The following UNC13B variants were observed in gnomAD, a reference collection of about 807,000 sequenced individuals.
UNC13B encodes the protein unc-13 homolog B.
In UNC13B, 144 loss-of-function variants were observed where a neutral mutation model predicts 211.0. That is an observed-to-expected ratio of 0.68 (90% CI 0.60 to 0.78). UNC13B has a LOEUF of 0.78. Among genes scored for constraint, UNC13B ranks in the 30% least tolerant of loss-of-function variants. The pLI is 0.00. For synonymous variants in UNC13B, 709 were observed against 725.8 expected, an observed-to-expected ratio of 0.98 and a Z score of 0.37; for missense variants, 1,777 against 2,002.0, an observed-to-expected ratio of 0.89 and a Z score of 2.14.
At chr9:35,190,269 G>A (rs1587333483) in intron 1 of UNC13B, among the ~76,000 whole-genome samples, 1 of 152,258 alleles carries the variant, frequency 6.6e-6, no homozygotes, top group South Asian at 2.1e-4. Context: ...AGGGGGTGGG[G>A]ATGTTTCCAT....
Position 35,300,901 on chromosome 9 carries a change from T to G in UNC13B, c.1497T>G (p.Leu499=). Reference sequence around the variant, plus strand: ...AATCACATAAACAAAATAGTACTCTTGATGCAGAACAGAGAACGCCTGGGG... The same window carrying G: ...AATCACATAAACAAAATAGTACTCTGGATGCAGAACAGAGAACGCCTGGGG... ...TKKSHKQNST[L]DAEQRTPGDQ... The change falls in exon 9 of 40, where the codon CTT becomes CTG. Residue 499 remains leucine (L), a synonymous_variant. Coordinates refer to ENST00000635942, the MANE Select transcript of UNC13B (RefSeq NM_001371189.2). 1 of 398,940 alleles carries G rather than the reference T, an allele frequency of 2.5e-6. No homozygotes were observed. The highest frequency in any genetic ancestry group is 4.4e-6 in the Non-Finnish European group (1 of 225,994). The allele number at this position is 398,940 out of a possible 1,614,324, so 24.7% of individuals were successfully genotyped here.
intron 1 of UNC13B, among the ~76,000 whole-genome samples, chr9:35,202,852 G>A (rs1001325572): frequency 7.3e-5 from 11 of 151,312 alleles, no homozygotes; most frequent in African/African-American, 2.2e-4. Flanking sequence ...GAGTGCAGTG[G>A]CGTGATCTCA....
At chr9:35,321,406 G>T (rs933477875) in intron 11 of UNC13B, among the ~76,000 whole-genome samples, 1 of 151,834 alleles carries the variant, frequency 6.6e-6, no homozygotes, top group Admixed American at 6.6e-5. Flanking sequence ...TTGTAGAGAT[G>T]GAGTCTTCCT....
chr9:35,300,701 G>A lies in UNC13B; in HGVS notation c.1297G>A (p.Gly433Arg), dbSNP rs917092893. The A allele has an allele frequency of 3.5e-5, 14 of 398,820 alleles. No homozygotes were observed. The highest frequency in any genetic ancestry group is 6.2e-5 in the Non-Finnish European group (14 of 226,026). The allele number at this position is 398,820 out of a possible 1,614,324, so 24.7% of individuals were successfully genotyped here. The change falls in exon 9 of 40, where the codon GGA becomes AGA. Residue 433 changes from glycine to arginine, a missense_variant. Physicochemically the swap from Gly to Arg is moderately radical, Grantham distance 125. Transcript: ENST00000635942. ...GATGAATTGTGATGCAAAAACACTTGGAGATCTGTCTGAGTGCTCTATAGA... is the reference window on the plus strand; with the variant it reads ...GATGAATTGTGATGCAAAAACACTTAGAGATCTGTCTGAGTGCTCTATAGA... ...QRMNCDAKTL[G>R]DLSECSIEEI...
rs1484520141 is a variant in UNC13B, at chr9:35,310,749, G to A, written c.9291G>A (p.Leu3097=). ...ATTHPPPDLV[L]QKDHFLGPQE... is the part of the protein sequence containing the mutation. Reference sequence around the variant, plus strand: ...CCCACCCTCCCCCAGATCTGGTGCTGCAAAAAGACCACTTCCTAGGTCCCC... The same window carrying A: ...CCCACCCTCCCCCAGATCTGGTGCTACAAAAAGACCACTTCCTAGGTCCCC... Residue 3097 remains leucine (L), a synonymous_variant, in exon 10 of 40, where the codon CTG becomes CTA. Transcript: ENST00000635942. 2.5e-6 allele frequency: 4 copies of A among 1,613,750 alleles called. No individual in the cohort carries two copies. The highest frequency in any genetic ancestry group is 1.7e-5 in the Admixed American group (1 of 59,948).
chr9:35,390,660 A>G lies in UNC13B; in HGVS notation c.11254A>G (p.Ser3752Gly). The change falls in exon 26 of 40, where the codon AGC (serine) becomes GGC (glycine). Residue 3752 changes from serine to glycine, a missense_variant. Coordinates refer to ENST00000635942, the MANE Select transcript of UNC13B (RefSeq NM_001371189.2). ...FPQELNVGKV[S>G]AEVMWHLFAQ... is the part of the protein sequence containing the mutation. ...TCAGGAGTTGAATGTGGGAAAAGTC[A>G]GCGCAGAAGTGATGTGGCATTTGTT... 6.2e-7 allele frequency: 1 copy of G among 1,614,164 alleles called. No individual in the cohort carries two copies. The highest frequency in any genetic ancestry group is 1.1e-5 in the South Asian group (1 of 91,058).
chr9:35,167,336 G>A (rs1299828455), intron 1 of UNC13B, among the ~76,000 whole-genome samples: 2 of 152,122 alleles, frequency 1.3e-5, no homozygotes, highest in African/African-American at 2.4e-5. Context: ...GCCTTGCAAA[G>A]TGCTGAGATT....
At chr9:35,392,791 A>G (rs1051063862) in intron 26 of UNC13B, among the ~76,000 whole-genome samples, 1 of 150,312 alleles carries the variant, frequency 6.7e-6, no homozygotes, top group Non-Finnish European at 1.5e-5. Context: ...TTAAAGTATA[A>G]TAAAAAATAA....
At chr9:35,364,236 C>G (rs185890878) in intron 11 of UNC13B, among the ~76,000 whole-genome samples, 1 of 130,932 alleles carries the variant, frequency 7.6e-6, no homozygotes. Flanking sequence ...GCAGCCCTGA[C>G]CCTTGATGCA....
chr9:35,383,330 A>G (rs1466041118), intron 21 of UNC13B, among the ~76,000 whole-genome samples: 1 of 152,210 alleles, frequency 6.6e-6, no homozygotes, highest in Non-Finnish European at 1.5e-5. Flanking sequence ...GTCACCTGAC[A>G]TTAATTCAGT....
intron 1 of UNC13B, among the ~76,000 whole-genome samples, chr9:35,167,040 G>T (rs1372072645): frequency 6.6e-6 from 1 of 151,956 alleles, no homozygotes; most frequent in Non-Finnish European, 1.5e-5. Flanking sequence ...AACATTATGA[G>T]ATTTGTCAGC....
chr9:35,263,287 A>G (rs1044074678), intron 7 of UNC13B, among the ~76,000 whole-genome samples: 6 of 152,076 alleles, frequency 3.9e-5, no homozygotes, highest in Admixed American at 3.3e-4. Context: ...ATAGAATATT[A>G]TGCATTTATT....
intron 11 of UNC13B, among the ~76,000 whole-genome samples, chr9:35,323,343 G>A (rs1463118478): frequency 1.3e-5 from 2 of 152,134 alleles, no homozygotes; most frequent in Non-Finnish European, 1.5e-5. Context: ...TTCTGTAGAT[G>A]TGTTATAATT....
rs1836470462 is a variant in UNC13B at position 35,403,527 on chromosome 9, A to T, written c.12665A>T (p.Asp4222Val). The change falls in exon 39 of 40, where the codon GAT (aspartate) becomes GTT (valine). Residue 4222 changes from aspartate to valine, a missense_variant. Asp to Val is a radical substitution (Grantham distance 152, BLOSUM62 -3). Transcript: ENST00000635942. ...ACTATGGTTGGCCCACACCAAAGTG[A>T]TAAGAAGAGGAAGTTCACAACCAAA... ...EVTMVGPHQSDKKRKFTTKSK... is the reference protein window; with the variant it reads ...EVTMVGPHQSVKKRKFTTKSK... 1.9e-6 allele frequency: 3 copies of T among 1,613,862 alleles called. No individual in the cohort carries two copies. Among genetic ancestry groups the T allele is most frequent in the South Asian group, 2.2e-5 (2 of 91,066 alleles).
At chr9:35,262,525 C>G (rs1827338518) in intron 7 of UNC13B, among the ~76,000 whole-genome samples, 1 of 152,004 alleles carries the variant, frequency 6.6e-6, no homozygotes, top group Non-Finnish European at 1.5e-5. Context: ...ACTATGTTGG[C>G]CAGGCTGTTC....
Position 35,304,264 on chromosome 9 carries a change from G to T in UNC13B, c.4860G>T (p.Glu1620Asp). 5.0e-6 allele frequency: 2 copies of T among 398,696 alleles called. No homozygotes were observed. Among genetic ancestry groups the T allele is most frequent in the Non-Finnish European group, 4.4e-6 (1 of 225,878 alleles). The allele number at this position is 398,696 out of a possible 1,614,324, so 24.7% of individuals were successfully genotyped here. Reference sequence around the variant, plus strand: ...TATCTTTAGCTTTGCCAAGAAGTGAGGAACCATTGTATCTAAATTTAGAAA... The same window carrying T: ...TATCTTTAGCTTTGCCAAGAAGTGATGAACCATTGTATCTAAATTTAGAAA... ...LDLSLALPRS[E>D]EPLYLNLETF... The change falls in exon 9 of 40, where the codon GAG becomes GAT. Residue 1620 changes from glutamate (E) to aspartate (D), a missense_variant. By Grantham distance (45) the Glu-to-Asp change is conservative. Coordinates refer to ENST00000635942, the MANE Select transcript of UNC13B (RefSeq NM_001371189.2).
chr9:35,402,823 A>C (rs1305331423), intron 37 of UNC13B, among the ~76,000 whole-genome samples: 2 of 152,196 alleles, frequency 1.3e-5, no homozygotes, highest in Non-Finnish European at 2.9e-5. Context: ...TACCAGGTCA[A>C]CATAATTCCC....
chr9:35,236,569 A>C lies in UNC13B; in HGVS notation c.253A>C (p.Ile85Leu). The change falls in exon 4 of 40, where the codon ATT becomes CTT. Residue 85 changes from isoleucine (I) to leucine (L), a missense_variant. Transcript: ENST00000635942. ...VGTVWIALKT[I>L]RQSDEEGPGE... ...GACTGTGTGGATTGCGCTGAAGACT[A>C]TTCGTCAGTCGGATGAGGTCAGTCA... 6.2e-7 allele frequency: 1 copy of C among 1,614,038 alleles called. No individual in the cohort carries two copies. Among genetic ancestry groups the C allele is most frequent in the Non-Finnish European group, 8.5e-7 (1 of 1,179,928 alleles).
chr9:35,238,959 T>C, intron 5 of UNC13B, among the ~76,000 whole-genome samples: 1 of 151,878 alleles, frequency 6.6e-6, no homozygotes, highest in East Asian at 1.9e-4. Context: ...ACTCTGTATA[T>C]CTTTGCCCAT....
Sources: allele counts gnomAD v4.1 joint callset (sites outside exome capture counted in the v4.1 genomes callset), GRCh38; gene constraint gnomAD v4.1.1; transcripts MANE v1.5; gene names NCBI Gene and HGNC (gene_info 2026-07-23, HGNC 2026-07-21).